The following PTPN5 variants were observed in gnomAD, a reference collection of about 807,000 sequenced individuals.
PTPN5 encodes the protein tyrosine-protein phosphatase non-receptor type 5.
In PTPN5, 29 loss-of-function variants were observed where a neutral mutation model predicts 73.9. That is an observed-to-expected ratio of 0.39 (90% CI 0.29 to 0.54). The LOEUF (loss-of-function observed/expected upper bound fraction) is 0.54, where lower values mean the gene tolerates loss of function less well. Ranked by LOEUF, PTPN5 falls within the 20% of genes least tolerant of loss-of-function variation. PTPN5 has a pLI of 0.65. For missense variants in PTPN5, 652 were observed against 751.4 expected (o/e 0.87, Z 1.55); for synonymous variants, 267 against 304.7 (o/e 0.88, Z 1.29).
intron 3 of PTPN5, among the ~76,000 whole-genome samples, chr11:18,751,673 G>A (rs988495467): frequency 6.6e-6 from 1 of 152,220 alleles, no homozygotes; most frequent in African/African-American, 2.4e-5. Flanking sequence ...AGGCAGGCAG[G>A]ATGGGCGTGG....
intron 3 of PTPN5, among the ~76,000 whole-genome samples, chr11:18,745,715 T>C (rs1849589095): frequency 6.6e-6 from 1 of 152,088 alleles, no homozygotes; most frequent in South Asian, 2.1e-4. Context: ...CAGGGGCCCT[T>C]CTCTGTGTGC....
Position 18,732,688 on chromosome 11 carries a change from A to G in PTPN5, c.1233T>C (p.Tyr411=), listed in dbSNP as rs142569450. 3 of 1,613,622 alleles carry G rather than the reference A, an allele frequency of 1.9e-6. No homozygotes were observed. The African/African-American group carries it at 4.0e-5, about 22-fold the overall frequency. ...IEEMNEKCTE[Y]WPEEQVAYDG... is the part of the protein sequence containing the mutation. ...CGTACGCCACCTGCTCCTCCGGCCAATACTCGGTGCATTTCTGCAGGGGCC... is the reference window on the plus strand; with the variant it reads ...CGTACGCCACCTGCTCCTCCGGCCAGTACTCGGTGCATTTCTGCAGGGGCC... Residue 411 remains tyrosine, a synonymous_variant, in exon 12 of 15, where the codon TAT becomes TAC. Coordinates refer to ENST00000358540, the MANE Select transcript of PTPN5 (RefSeq NM_006906.2).
chr11:18,785,199 T>C (rs1170384561), intron 1 of PTPN5, among the ~76,000 whole-genome samples: 1 of 152,136 alleles, frequency 6.6e-6, no homozygotes, highest in African/African-American at 2.4e-5. Context: ...ACATGTTCTT[T>C]TCCTTGCACC....
chr11:18,737,789 T>C, intron 9 of PTPN5, 91 bp downstream of exon 9: 1 of 1,155,310 alleles, frequency 8.7e-7, no homozygotes, highest in South Asian at 1.2e-5. Context: ...CTGTCACCCC[T>C]AGAGGCCCAG....
chr11:18,777,093 G>C (rs764939418), intron 1 of PTPN5, among the ~76,000 whole-genome samples: 10 of 152,270 alleles, frequency 6.6e-5, no homozygotes, highest in African/African-American at 2.4e-4. Context: ...CCAGAGAGGC[G>C]GAAGTTGCAG....
chr11:18,740,241 G>A (rs900254467), intron 8 of PTPN5, among the ~76,000 whole-genome samples: 1 of 152,180 alleles, frequency 6.6e-6, no homozygotes, highest in African/African-American at 2.4e-5. Flanking sequence ...TGCTCGGCAG[G>A]AGGAAAGTGG....
At chr11:18,762,184 C>T (rs1208433126) in intron 3 of PTPN5, among the ~76,000 whole-genome samples, 2 of 151,970 alleles carry the variant, frequency 1.3e-5, no homozygotes, top group African/African-American at 2.4e-5. Context: ...TCTGGGTGAT[C>T]GTGGTGGCTC....
intron 12 of PTPN5, among the ~76,000 whole-genome samples, chr11:18,731,146 CTATA>C (rs1038950956): frequency 1.4e-5 from 2 of 145,780 alleles, no homozygotes; most frequent in African/African-American, 2.5e-5. Flanking sequence ...ACACACACAC[CTATA>C]TATATATTTA....
chr11:18,753,234 T>C (rs533875141), intron 3 of PTPN5, among the ~76,000 whole-genome samples: 1 of 152,260 alleles, frequency 6.6e-6, no homozygotes, highest in East Asian at 1.9e-4. Flanking sequence ...AACCATCAGA[T>C]GGTCTTTGCA....
intron 1 of PTPN5, among the ~76,000 whole-genome samples, chr11:18,784,147 A>G (rs1851565503): frequency 6.6e-6 from 1 of 152,200 alleles, no homozygotes; most frequent in African/African-American, 2.4e-5. Flanking sequence ...TGATCATACG[A>G]TCCAGCAATT....
At position 18,728,875 on chromosome 11, in the gene PTPN5, G is replaced by A; in HGVS notation, c.*59C>T. On this transcript the variant is annotated 3_prime_UTR_variant, in exon 15 of 15. Coordinates refer to ENST00000358540, the MANE Select transcript of PTPN5 (RefSeq NM_006906.2). The surrounding 1 kb of genome is among the most constrained non-coding windows in gnomAD (Gnocchi z 4.1). The stretch of plus-strand genomic sequence containing the variant: ...GGCCCAGGACCCGAGGCAGGGCCCT[G>A]GGTGAGGGCCGAGACTCAGGCTGGG... The A allele has an allele frequency of 4.6e-6, 7 of 1,533,750 alleles. No individual in the cohort carries two copies. Among genetic ancestry groups the A allele is most frequent in the Non-Finnish European group, 5.3e-6 (6 of 1,125,848 alleles).
At chr11:18,755,754 C>A (rs1225421966) in intron 3 of PTPN5, among the ~76,000 whole-genome samples, 1 of 151,970 alleles carries the variant, frequency 6.6e-6, no homozygotes, top group Non-Finnish European at 1.5e-5. Context: ...TCCCGTAATC[C>A]CAGCACTTTG....
At chr11:18,738,882 G>A (rs1392174005) in intron 8 of PTPN5, among the ~76,000 whole-genome samples, 1 of 150,286 alleles carries the variant, frequency 6.7e-6, no homozygotes, top group Non-Finnish European at 1.5e-5. Flanking sequence ...TGAGGCAGGA[G>A]AATCGCTTGG....
intron 1 of PTPN5, among the ~76,000 whole-genome samples, chr11:18,772,740 C>T (rs531263719): frequency 6.6e-6 from 1 of 152,156 alleles, no homozygotes; most frequent in African/African-American, 2.4e-5. Flanking sequence ...TTGTTCAACC[C>T]GTTTACTAAA....
chr11:18,743,350 AG>A lies in PTPN5; in HGVS notation c.370del (p.Leu124Ter). The A allele has an allele frequency of 6.2e-7, 1 of 1,614,182 alleles. No homozygotes were observed. Among genetic ancestry groups the A allele is most frequent in the Non-Finnish European group, 8.5e-7 (1 of 1,180,038 alleles). Reference sequence around the variant, plus strand: ...GGGTTCCAGCTGTTTCAGGAGCGTCAGCAAAGAGGAGACGAGGTTTGTGGCG... The same window carrying A: ...GGGTTCCAGCTGTTTCAGGAGCGTCACAAAGAGGAGACGAGGTTTGTGGCG... ...QNATNLVSSLLTLLKQLEPTA... is the reference protein window; with the variant it reads ...QNATNLVSSLXTLLKQLEPTA... On this transcript the variant is annotated frameshift_variant, in exon 5 of 15. Transcript: ENST00000358540. LOFTEE classifies it high-confidence loss of function.
At chr11:18,736,194 G>T (rs1476405440) in intron 9 of PTPN5, among the ~76,000 whole-genome samples, 1 of 152,192 alleles carries the variant, frequency 6.6e-6, no homozygotes, top group Non-Finnish European at 1.5e-5. Context: ...CCAGCACTTT[G>T]GGAGGCCGAA....
intron 1 of PTPN5, 142 bp from the exon 2 acceptor site, chr11:18,772,213 C>T: frequency 3.8e-6 from 2 of 525,308 alleles, no homozygotes; most frequent in Middle Eastern, 9.4e-4. Context: ...TTGCCTCTTG[C>T]TACACAGACA....
rs534317895 is a variant in PTPN5, at chr11:18,772,674, C to T, written c.-113-603G>A. 3.3e-5 allele frequency among the ~76,000 whole-genome samples: 5 copies of T among 152,256 alleles called. 1 individual carries two copies. The highest frequency in any genetic ancestry group is 2.1e-4 in the South Asian group (1 of 4,826). ...GGTAGGCCCAGCCTGCTGAGGGGCT[C>T]GGGCAACAGTTGTCCATTTTTCATT... On this transcript the variant is annotated intron_variant, in intron 1 of 14. Transcript: ENST00000358540.
At chr11:18,768,380 G>T (rs1304108780) in intron 2 of PTPN5, among the ~76,000 whole-genome samples, 2 of 152,224 alleles carry the variant, frequency 1.3e-5, no homozygotes, top group Non-Finnish European at 2.9e-5. Context: ...CACAGGGATT[G>T]TGTTTGAGAG....
Sources: gnomAD v4.1 joint callset for allele counts (sites outside exome capture counted in the v4.1 genomes callset) on GRCh38, gnomAD v4.1.1 for gene constraint, Gnocchi (gnomAD v3.1) non-coding constraint, MANE v1.5 for transcripts, NCBI Gene and HGNC (gene_info 2026-07-23, HGNC 2026-07-21) for gene names.